The following MUC7 variants were observed in gnomAD, a reference collection of about 807,000 sequenced individuals.
MUC7 encodes mucin 7, secreted.
Under a neutral mutation model 2.5 loss-of-function variants are expected in MUC7, and 2 were observed. The observed-to-expected ratio is 0.81, with a 90% CI of 0.33 to 2.55. MUC7 has a LOEUF of 2.55. MUC7 is among the 30% of genes most tolerant of loss of function. The pLI is 0.11. For missense variants in MUC7, 408 were observed against 455.6 expected (o/e 0.90, Z 0.95); for synonymous variants, 133 against 173.4 (o/e 0.77, Z 1.83).
Position 70,482,057 on chromosome 4 carries a change from G to A in MUC7, c.*179G>A. 1.3e-6 allele frequency: 1 copy of A among 773,350 alleles called. No homozygotes were observed. The highest frequency in any genetic ancestry group is 2.0e-6 in the Non-Finnish European group (1 of 501,818). The allele number at this position is 773,350 out of a possible 1,614,324, so 47.9% of individuals were successfully genotyped here. The stretch of plus-strand genomic sequence containing the variant: ...ACAAGACCTATTAACAAGACAAAAT[G>A]CCTCTATCCCACAAGCCAGATGCAG... On this transcript the variant is annotated 3_prime_UTR_variant, in exon 3 of 3. Transcript: ENST00000304887.
chr4:70,437,446 G>A (rs186249741), intron 1 of MUC7, among the ~76,000 whole-genome samples: 234 of 152,238 alleles, frequency 1.5e-3, no homozygotes, highest in Non-Finnish European at 2.2e-3. Flanking sequence ...CCCTCCCCCC[G>A]CCACGCTGTA....
intron 1 of MUC7, among the ~76,000 whole-genome samples, chr4:70,460,359 C>T (rs1036215161): frequency 1.3e-5 from 2 of 151,986 alleles, no homozygotes; most frequent in Non-Finnish European, 2.9e-5. Flanking sequence ...TTTGAGAAGC[C>T]TTGTTTTGAT....
intron 1 of MUC7, among the ~76,000 whole-genome samples, chr4:70,442,639 A>G (rs1734037964): frequency 6.6e-6 from 1 of 152,172 alleles, no homozygotes; most frequent in African/African-American, 2.4e-5. Context: ...TCTCCTGGTG[A>G]TTACTCCTCT....
intron 1 of MUC7, among the ~76,000 whole-genome samples, chr4:70,436,071 G>T (rs905384860): frequency 2.0e-5 from 3 of 151,790 alleles, no homozygotes; most frequent in Non-Finnish European, 4.4e-5. Flanking sequence ...CCACAGATCT[G>T]CTGTTAGTCT....
chr4:70,474,563 CTAGGTAGGTAGG>C (rs35293664), intron 2 of MUC7, among the ~76,000 whole-genome samples: 3 of 151,332 alleles, frequency 2.0e-5, no homozygotes, highest in South Asian at 2.1e-4. Context: ...GGTAGATAGA[CTAGGTAGGTAGG>C]TAGGTAGGTA....
upstream of MUC7, among the ~76,000 whole-genome samples, chr4:70,470,035 A>T (rs41416945): frequency 1.3e-4 from 20 of 152,334 alleles, no homozygotes; most frequent in South Asian, 2.3e-3. Flanking sequence ...TAGACTGGAT[A>T]AAGAAAATGT....
chr4:70,448,224 TG>T (rs1364103746), intron 1 of MUC7, among the ~76,000 whole-genome samples: 2 of 152,174 alleles, frequency 1.3e-5, no homozygotes, highest in Non-Finnish European at 2.9e-5. Context: ...TTTTGGCTAT[TG>T]TGAATAGTGC....
At chr4:70,435,364 T>C (rs1296204709) in intron 1 of MUC7, among the ~76,000 whole-genome samples, 1 of 152,242 alleles carries the variant, frequency 6.6e-6, no homozygotes, top group Non-Finnish European at 1.5e-5. Flanking sequence ...TCTAAGAACT[T>C]GCTTTATGAA....
chr4:70,433,202 G>A (rs569591860), intron 1 of MUC7, among the ~76,000 whole-genome samples: 130 of 152,182 alleles, frequency 8.5e-4, no homozygotes, highest in African/African-American at 3.0e-3. Context: ...AGGATTGTCT[G>A]GCTATGGGGT....
At chr4:70,446,382 C>T (rs909953873) in intron 1 of MUC7, among the ~76,000 whole-genome samples, 4 of 152,110 alleles carry the variant, frequency 2.6e-5, no homozygotes, top group African/African-American at 9.7e-5. Context: ...GTCTACAGGG[C>T]CATCTTGCCT....
chr4:70,463,614 A>G (rs1734611004), intron 1 of MUC7, among the ~76,000 whole-genome samples: 1 of 152,220 alleles, frequency 6.6e-6, no homozygotes, highest in Non-Finnish European at 1.5e-5. Flanking sequence ...CACAACATTC[A>G]GTGCTAATTT....
At position 70,482,099 on chromosome 4, in the gene MUC7, A is replaced by T. The variant is rs1735217069; in HGVS notation, c.*221A>T. On this transcript the variant is annotated 3_prime_UTR_variant, in exon 3 of 3. Transcript: ENST00000304887. ...CAGATGCAGGTCTGGGGTTCAAAAT[A>T]ACTCTTTGGATCCTACAGAGATAGC... 2 of 575,082 alleles carry T rather than the reference A, an allele frequency of 3.5e-6. No individual in the cohort carries two copies. Among genetic ancestry groups the T allele is most frequent in the African/African-American group, 3.7e-5 (2 of 53,374 alleles). 35.6% of individuals were successfully genotyped at this position (575,082 alleles called of 1,614,324 possible).
chr4:70,454,790 C>A (rs989352009), intron 1 of MUC7, among the ~76,000 whole-genome samples: 7 of 152,136 alleles, frequency 4.6e-5, no homozygotes, highest in African/African-American at 1.7e-4. Context: ...GGGGTGAATG[C>A]AGAAGCGGGT....
intron 1 of MUC7, among the ~76,000 whole-genome samples, chr4:70,441,512 T>C (rs566852044): frequency 6.6e-6 from 1 of 152,282 alleles, no homozygotes; most frequent in African/African-American, 2.4e-5. Flanking sequence ...CATCTATATA[T>C]GGAGGGAGAG....
At chr4:70,451,845 T>A (rs1475200291) in intron 1 of MUC7, among the ~76,000 whole-genome samples, 1 of 152,218 alleles carries the variant, frequency 6.6e-6, no homozygotes, top group Non-Finnish European at 1.5e-5. Flanking sequence ...ATCTATCCAA[T>A]GCTGAAAATG....
At chr4:70,455,173 A>G (rs969167819) in intron 1 of MUC7, among the ~76,000 whole-genome samples, 1 of 152,054 alleles carries the variant, frequency 6.6e-6, no homozygotes, top group Non-Finnish European at 1.5e-5. Context: ...GGTGAAGCAT[A>G]TATTGTCTTC....
intron 1 of MUC7, among the ~76,000 whole-genome samples, chr4:70,433,575 T>A (rs1368772120): frequency 6.6e-6 from 1 of 152,230 alleles, no homozygotes; most frequent in Non-Finnish European, 1.5e-5. Context: ...ATATTGATTT[T>A]GTATCCTGAG....
In MUC7 at chr4:70,449,423, T is replaced by TA. The variant is rs200087089; in HGVS notation, c.-93+18737dup. Among the ~76,000 whole-genome samples, 867 of 152,296 alleles carry TA rather than the reference T, an allele frequency of 5.7e-3. 11 individuals are homozygous for TA. The highest frequency in any genetic ancestry group is 0.02 in the African/African-American group (827 of 41,562). On this transcript the variant is annotated intron_variant, in intron 1 of 3. Transcript: ENST00000413702. ...ACTAGATCTCATGAGACTTATTCACTATCATGAGAACAGTATGGGGAAAAC... is the reference window on the plus strand; with the variant it reads ...ACTAGATCTCATGAGACTTATTCACTAATCATGAGAACAGTATGGGGAAAAC...
intron 1 of MUC7, among the ~76,000 whole-genome samples, chr4:70,466,401 G>A (rs1268715521): frequency 1.3e-5 from 2 of 152,054 alleles, no homozygotes; most frequent in East Asian, 1.9e-4. Context: ...TCAAATTCAT[G>A]CATAACAATA....
Sources: allele counts gnomAD v4.1 joint callset (sites outside exome capture counted in the v4.1 genomes callset), GRCh38; gene constraint gnomAD v4.1.1; transcripts MANE v1.5; gene names NCBI Gene and HGNC (gene_info 2026-07-23, HGNC 2026-07-21).